ADAMTS5: variants seen among roughly 807,000 people sequenced by gnomAD.
ADAMTS5 encodes the protein A disintegrin and metalloproteinase with thrombospondin motifs 5.
A neutral mutation model predicts 81.4 loss-of-function variants in ADAMTS5; 54 were observed. That is an observed-to-expected ratio of 0.66 (90% confidence interval 0.53 to 0.83). ADAMTS5 has a LOEUF of 0.83. Among genes scored for constraint, ADAMTS5 ranks in the 40% least tolerant of loss-of-function variants. The pLI, the probability that ADAMTS5 is intolerant of heterozygous loss-of-function variation, is 0.00. For synonymous variants in ADAMTS5, 532 were observed against 508.8 expected (o/e 1.05, Z -0.61); for missense variants, 1,194 against 1,229.9 (o/e 0.97, Z 0.44).
chr21:26,933,530 T>A (rs1986953869), intron 4 of ADAMTS5, among the ~76,000 whole-genome samples: 1 of 152,244 alleles, frequency 6.6e-6, no homozygotes, highest in Admixed American at 6.5e-5. Context: ...ACATCCTGTC[T>A]GTGACCGACT....
intron 2 of ADAMTS5, among the ~76,000 whole-genome samples, chr21:26,953,122 G>T (rs1299694019): frequency 6.6e-6 from 1 of 152,186 alleles, no homozygotes; most frequent in East Asian, 1.9e-4. Context: ...CTTTCAGGCT[G>T]ACCAGTTCTT....
chr21:26,952,260 C>A (rs760290445), intron 2 of ADAMTS5, among the ~76,000 whole-genome samples: 4 of 152,240 alleles, frequency 2.6e-5, no homozygotes, highest in African/African-American at 7.2e-5. Context: ...AGTTTTCATA[C>A]AGAAGCCCAC....
At chr21:26,959,402 G>T (rs894717799) in intron 1 of ADAMTS5, among the ~76,000 whole-genome samples, 8 of 152,048 alleles carry the variant, frequency 5.3e-5, no homozygotes, top group Non-Finnish European at 8.8e-5. Context: ...AAGCTCAGGG[G>T]CATTAAATGC....
In ADAMTS5 at chr21:26,954,730, G is replaced by T. The variant is rs755167730; in HGVS notation, c.1237+9C>A. 6 of 1,613,166 alleles carry T rather than the reference G, an allele frequency of 3.7e-6. No homozygotes were observed. Among genetic ancestry groups the T allele is most frequent in the Non-Finnish European group, 5.1e-6 (6 of 1,179,710 alleles). ...GATTTGGTGAGGGAAAAGAAAAGGC[G>T]CTGCATACCGATTTCGTGAGCCACA... On this transcript the variant is annotated intron_variant, in intron 2 of 7. Transcript: ENST00000284987.
chr21:26,954,858 T>C lies in ADAMTS5; in HGVS notation c.1118A>G (p.His373Arg), dbSNP rs1568850763. Residue 373 changes from histidine (H) to arginine (R), a missense_variant, in exon 2 of 8, where the codon CAT becomes CGT. Physicochemically the swap from His to Arg is conservative, Grantham distance 29. Around this residue, in one of 2 missense-constraint regions of ADAMTS5, gnomAD observed 696 missense variants for 817.6 expected, o/e 0.85. Transcript: ENST00000284987. ...CATTCCCAGGGTGTCACATGAATGA[T>C]GCCCACATAAATCCTGCCCAGGAGA... ...ILFTREDLCG[H>R]HSCDTLGMAD... The C allele has an allele frequency of 1.9e-6, 3 of 1,614,036 alleles. No homozygotes were observed. The highest frequency in any genetic ancestry group is 1.1e-5 in the South Asian group (1 of 91,078).
chr21:26,958,534 T>A (rs1184495344), intron 1 of ADAMTS5, among the ~76,000 whole-genome samples: 1 of 152,206 alleles, frequency 6.6e-6, no homozygotes, highest in Non-Finnish European at 1.5e-5. Context: ...ACCTTTACGA[T>A]GACCCATTTT....
At chr21:26,942,590 T>G (rs570914024) in intron 3 of ADAMTS5, among the ~76,000 whole-genome samples, 6 of 152,300 alleles carry the variant, frequency 3.9e-5, no homozygotes, top group South Asian at 2.1e-4. Context: ...TACTTTAAAG[T>G]ACTGAAGAAT....
At chr21:26,935,988 T>C (rs1987007544) in intron 3 of ADAMTS5, among the ~76,000 whole-genome samples, 1 of 152,186 alleles carries the variant, frequency 6.6e-6, no homozygotes, top group African/African-American at 2.4e-5. Context: ...CTAGTGCATA[T>C]TTTATTTATC....
intron 2 of ADAMTS5, among the ~76,000 whole-genome samples, chr21:26,950,704 A>G (rs1987300238): frequency 6.6e-6 from 1 of 152,222 alleles, no homozygotes; most frequent in Admixed American, 6.5e-5. Context: ...GAAGTGTTCT[A>G]GTTTCAAATG....
chr21:26,925,308 T>C (rs1986786761), intron 7 of ADAMTS5, among the ~76,000 whole-genome samples: 1 of 152,182 alleles, frequency 6.6e-6, no homozygotes. Context: ...AAATGAAGCA[T>C]GCAATTCTGA....
chr21:26,932,151 C>T lies in ADAMTS5; in HGVS notation c.1902G>A (p.Glu634=). Residue 634 remains glutamate (E), a synonymous_variant, in exon 6 of 8, where the codon GAG becomes GAA. Transcript: ENST00000284987. ...NGKSFRHEQC[E]AKNGYQSDAK... Reference sequence around the variant, plus strand: ...CATCAGACTGATAGCCATTTTTGGCCTCACACTGTTCATGACGAAATGATT... The same window carrying T: ...CATCAGACTGATAGCCATTTTTGGCTTCACACTGTTCATGACGAAATGATT... The T allele has an allele frequency of 1.2e-6, 2 of 1,614,058 alleles. No individual in the cohort carries two copies. Among genetic ancestry groups the T allele is most frequent in the Non-Finnish European group, 1.7e-6 (2 of 1,179,978 alleles).
At chr21:26,964,738 C>T (rs981901859) in intron 1 of ADAMTS5, among the ~76,000 whole-genome samples, 1 of 152,138 alleles carries the variant, frequency 6.6e-6, no homozygotes, top group East Asian at 1.9e-4. Context: ...AGGAATCCAA[C>T]CTGGAAAAAG....
rs1987690372 is a variant in ADAMTS5 at position 26,966,672 on chromosome 21, G to A, written c.-281C>T. 6.7e-6 allele frequency among the ~76,000 whole-genome samples: 1 copy of A among 149,930 alleles called. No homozygotes were observed. The highest frequency in any genetic ancestry group is 1.5e-5 in the Non-Finnish European group (1 of 67,588). On this transcript the variant is annotated 5_prime_UTR_variant, in exon 1 of 8. Coordinates refer to ENST00000284987, the MANE Select transcript of ADAMTS5 (RefSeq NM_007038.5). ...AAGAAAAGATTAAAAAAAAAAAGTC[G>A]GATAGTGGAGATTCAGCAAATACGG...
In ADAMTS5 at chr21:26,966,988, T is replaced by C. The variant is rs1428499229; in HGVS notation, c.-597A>G. On this transcript the variant is annotated 5_prime_UTR_variant, in exon 1 of 8. Transcript: ENST00000284987. The stretch of plus-strand genomic sequence containing the variant: ...TGCAGGGGGGCAGCCTGAGGCGAGC[T>C]GGTGAAGCGGCGTGTCTGTGTCCCT... 6.6e-6 allele frequency among the ~76,000 whole-genome samples: 1 copy of C among 152,206 alleles called. No individual in the cohort carries two copies. The highest frequency in any genetic ancestry group is 1.5e-5 in the Non-Finnish European group (1 of 68,034).
In ADAMTS5 at chr21:26,923,360, A is replaced by T. The variant is rs1986737401; in HGVS notation, c.*693T>A. ...AAGGTTTAAGTAAATGAACCCGTGT[A>T]TGTATTTAAGTGACTAGATACACTG... On this transcript the variant is annotated 3_prime_UTR_variant, in exon 8 of 8. Transcript: ENST00000284987. 1 of 152,182 alleles carries T rather than the reference A, an allele frequency of 6.6e-6. No individual in the cohort carries two copies. The highest frequency in any genetic ancestry group is 2.4e-5 in the African/African-American group (1 of 41,452). The allele number at this position is 152,182 out of a possible 1,614,324, so 9.4% of individuals were successfully genotyped here. A position where few individuals can be genotyped will look rare whatever the true frequency, so the allele number is the denominator to read the frequency against.
At chr21:26,965,153 G>A (rs1987612622) in intron 1 of ADAMTS5, 135 bp downstream of exon 1, 18 of 1,335,752 alleles carry the variant, frequency 1.3e-5, no homozygotes, top group Non-Finnish European at 1.8e-5. Flanking sequence ...AGGCTGGTTG[G>A]ATTTCCTGCA....
rs947577988 is a variant in ADAMTS5, at chr21:26,965,936, G to A, written c.456C>T (p.Leu152=). 1.2e-5 allele frequency: 19 copies of A among 1,613,622 alleles called. No individual in the cohort carries two copies. In the Admixed American group the frequency reaches 2.5e-4, roughly 21 times the overall value. ...CGTGCTTGACCGCGAAGAAGCCGTC[G>A]AGACCCCCACAGAGGTCAAAGACAG... is the stretch of plus-strand genomic sequence containing the variant. ...SLAVFDLCGG[L]DGFFAVKHAR... is the part of the protein sequence containing the mutation. The change falls in exon 1 of 8, where the codon CTC becomes CTT. Residue 152 remains leucine (L), a synonymous_variant. Transcript: ENST00000284987.
Position 26,934,317 on chromosome 21 carries a change from G to A in ADAMTS5, c.1689+149C>T, listed in dbSNP as rs987203340. Reference sequence around the variant, plus strand: ...TCGGATCACTGAGAATGGCTACTGCGGGTAAAAGAAGAAGCTCTAAATAAA... The same window carrying A: ...TCGGATCACTGAGAATGGCTACTGCAGGTAAAAGAAGAAGCTCTAAATAAA... On this transcript the variant is annotated intron_variant, in intron 4 of 7. Coordinates refer to ENST00000284987, the MANE Select transcript of ADAMTS5 (RefSeq NM_007038.5). The A allele has an allele frequency of 8.6e-5, 86 of 1,004,018 alleles. 1 individual carries two copies. Among genetic ancestry groups the A allele is most frequent in the Non-Finnish European group, 1.1e-4 (80 of 706,876 alleles). The allele number at this position is 1,004,018 out of a possible 1,614,324, so 62.2% of individuals were successfully genotyped here.
At chr21:26,949,574 G>C (rs1455651115) in intron 2 of ADAMTS5, among the ~76,000 whole-genome samples, 2 of 152,060 alleles carry the variant, frequency 1.3e-5, no homozygotes, top group Non-Finnish European at 2.9e-5. Context: ...GTGTGTGTTA[G>C]AGTTACTTTT....
Sources: allele counts gnomAD v4.1 joint callset (sites outside exome capture counted in the v4.1 genomes callset), GRCh38; gene constraint gnomAD v4.1.1; regional missense constraint gnomAD v4.1.1; transcripts MANE v1.5; gene names NCBI Gene and HGNC (gene_info 2026-07-23, HGNC 2026-07-21).